ZER1: variants seen among roughly 807,000 people sequenced by gnomAD.
The protein encoded by ZER1 is protein zer-1 homolog.
In ZER1, 11 loss-of-function variants were observed where a neutral mutation model predicts 78.8. That is an observed-to-expected ratio of 0.14 (90% CI 0.09 to 0.23). The LOEUF is 0.23. Among genes scored for constraint, ZER1 ranks in the 10% least tolerant of loss-of-function variants. ZER1 has a pLI of 1.00. For missense variants in ZER1, 588 were observed against 996.9 expected, an observed-to-expected ratio of 0.59 and a Z score of 5.52; for synonymous variants, 400 against 407.0, an observed-to-expected ratio of 0.98 and a Z score of 0.21.
At chr9:128,748,522 G>A (rs1863573252) in intron 8 of ZER1, among the ~76,000 whole-genome samples, 1 of 152,012 alleles carries the variant, frequency 6.6e-6, no homozygotes, top group African/African-American at 2.4e-5. Context: ...AGTGAGCTGT[G>A]ATCATGCCGC....
chr9:128,756,064 G>C (rs1863848442), intron 1 of ZER1, among the ~76,000 whole-genome samples: 1 of 152,186 alleles, frequency 6.6e-6, no homozygotes, highest in Non-Finnish European at 1.5e-5. Context: ...GGGCTTAATA[G>C]ACATATAGAC....
intron 1 of ZER1, among the ~76,000 whole-genome samples, chr9:128,760,189 T>A (rs1354121604): frequency 6.6e-6 from 1 of 152,086 alleles, no homozygotes; most frequent in Non-Finnish European, 1.5e-5. Context: ...CTCTCATGTA[T>A]GTTATACTTC....
rs145709621 is a variant in ZER1 at position 128,751,815 on chromosome 9, G to A, written c.924-288C>T. On this transcript the variant is annotated intron_variant, in intron 5 of 15. Coordinates refer to ENST00000291900, the MANE Select transcript of ZER1 (RefSeq NM_006336.4). This position sits in a 1 kb window ranked among gnomAD's most constrained non-coding sequence, Gnocchi z 5.4. The stretch of plus-strand genomic sequence containing the variant: ...TTTAGGTCTCACCAACAATCACAAA[G>A]GGACAAGCTCAACTGAACACCATTA... Among the ~76,000 whole-genome samples the A allele has an allele frequency of 6.6e-5, 10 of 152,338 alleles. No individual in the cohort carries two copies. The highest frequency in any genetic ancestry group is 1.2e-4 in the Non-Finnish European group (8 of 68,036).
chr9:128,742,041 T>C (rs764281071), intron 9 of ZER1, among the ~76,000 whole-genome samples, 200 bp from the exon 10 acceptor site: 33 of 152,230 alleles, frequency 2.2e-4, no homozygotes, highest in Non-Finnish European at 3.8e-4. Context: ...CAGGCCCGGG[T>C]GCCGTTCCTG....
rs367677189 is a variant in ZER1 at position 128,748,609 on chromosome 9, T to C, written c.1359+2007A>G. Among the ~76,000 whole-genome samples, 37 of 151,204 alleles carry C rather than the reference T, an allele frequency of 2.4e-4. No individual in the cohort carries two copies. In the East Asian group the frequency reaches 4.9e-3, roughly 20 times the overall value. On this transcript the variant is annotated intron_variant, in intron 8 of 15. Transcript: ENST00000291900. Reference sequence around the variant, plus strand: ...TTCTTTGTGACAGAGTCTCCCTCTGTCACCCAGGCTGGAGTTCGGTGGCTT... The same window carrying C: ...TTCTTTGTGACAGAGTCTCCCTCTGCCACCCAGGCTGGAGTTCGGTGGCTT...
intron 8 of ZER1, among the ~76,000 whole-genome samples, chr9:128,744,275 T>C (rs1029250704): frequency 6.6e-6 from 1 of 152,012 alleles, no homozygotes; most frequent in Non-Finnish European, 1.5e-5. Flanking sequence ...CACTGCAACC[T>C]CTGCCTCGCG....
chr9:128,739,252 C>T (rs1172550481), intron 13 of ZER1, among the ~76,000 whole-genome samples: 1 of 151,810 alleles, frequency 6.6e-6, no homozygotes, highest in Non-Finnish European at 1.5e-5. Flanking sequence ...CCTGTAATCC[C>T]AGCACTTTGG....
At chr9:128,763,316 G>C (rs1054753395) in intron 1 of ZER1, among the ~76,000 whole-genome samples, 1 of 152,206 alleles carries the variant, frequency 6.6e-6, no homozygotes, top group Non-Finnish European at 1.5e-5. Flanking sequence ...CCACCAGGGT[G>C]TGCCTGCTGA....
chr9:128,761,453 A>G (rs1408788102), intron 1 of ZER1, among the ~76,000 whole-genome samples: 1 of 151,370 alleles, frequency 6.6e-6, no homozygotes, highest in Non-Finnish European at 1.5e-5. Flanking sequence ...CACCCGGCTA[A>G]TTTTTGTATT....
At chr9:128,742,408 C>T (rs1325205312) in intron 9 of ZER1, 122 bp downstream of exon 9, 3 of 1,140,770 alleles carry the variant, frequency 2.6e-6, no homozygotes, top group Non-Finnish European at 3.8e-6. Flanking sequence ...CCTCATGCTT[C>T]AGCACACTCT....
intron 14 of ZER1, among the ~76,000 whole-genome samples, chr9:128,734,144 A>AAAATATATATATAT: frequency 6.9e-5 from 1 of 14,446 alleles, no homozygotes; most frequent in African/African-American, 1.9e-4. Context: ...AAAAAAAAAA[A>AAAATATATATATAT]ATATATATAT....
At chr9:128,756,032 A>T (rs1188307989) in intron 1 of ZER1, among the ~76,000 whole-genome samples, 1 of 152,218 alleles carries the variant, frequency 6.6e-6, no homozygotes, top group African/African-American at 2.4e-5. Flanking sequence ...GCTATGATTG[A>T]TTGAGCACTT....
At position 128,751,320 on chromosome 9, in the gene ZER1, G is replaced by A. The variant is rs1863671299; in HGVS notation, c.1039-52C>T. 1.2e-6 allele frequency: 2 copies of A among 1,605,290 alleles called. No individual in the cohort carries two copies. Among genetic ancestry groups the A allele is most frequent in the Admixed American group, 3.4e-5 (2 of 59,568 alleles). Reference sequence around the variant, plus strand: ...CCCAGCAGAGGCCAAGGGCTGGGATGCCAGATCCCAGCTCAGTCTCCAGCC... The same window carrying A: ...CCCAGCAGAGGCCAAGGGCTGGGATACCAGATCCCAGCTCAGTCTCCAGCC... On this transcript the variant is annotated intron_variant, in intron 6 of 15. Transcript: ENST00000291900. This position sits in a 1 kb window ranked among gnomAD's most constrained non-coding sequence, Gnocchi z 5.4.
intron 8 of ZER1, among the ~76,000 whole-genome samples, chr9:128,745,669 T>C (rs1863463842): frequency 6.6e-6 from 1 of 151,688 alleles, no homozygotes; most frequent in Admixed American, 6.6e-5. Flanking sequence ...TTATTTATTT[T>C]TAAGACGCGG....
rs149430751 is a variant in ZER1 at position 128,744,276 on chromosome 9, C to G, written c.1360-1531G>C. 1.6e-3 allele frequency among the ~76,000 whole-genome samples: 251 copies of G among 152,236 alleles called. 1 individual carries two copies. Among genetic ancestry groups the G allele is most frequent in the African/African-American group, 5.6e-3 (234 of 41,536 alleles). ...ATCTTGCAGTGGCTCACTGCAACCT[C>G]TGCCTCGCGGGTCCAAGCGATTCTC... On this transcript the variant is annotated intron_variant, in intron 8 of 15. Transcript: ENST00000291900.
chr9:128,768,171 A>T (rs772570864), intron 1 of ZER1, among the ~76,000 whole-genome samples: 1 of 152,166 alleles, frequency 6.6e-6, no homozygotes, highest in Admixed American at 6.6e-5. Flanking sequence ...TGCGCCAGAT[A>T]TAAGACAGTG....
chr9:128,762,112 T>C (rs1230843878), intron 1 of ZER1, among the ~76,000 whole-genome samples: 4 of 127,422 alleles, frequency 3.1e-5, no homozygotes, highest in Admixed American at 7.4e-5. Context: ...ATTTATGGAC[T>C]TTTTTTTTTT....
rs1193119744 is a variant in ZER1 at position 128,749,139 on chromosome 9, C to G, written c.1359+1477G>C. Among the ~76,000 whole-genome samples, 3 of 150,836 alleles carry G rather than the reference C, an allele frequency of 2.0e-5. No individual in the cohort carries two copies. In the East Asian group the frequency reaches 6.0e-4, roughly 30 times the overall value. On this transcript the variant is annotated intron_variant, in intron 8 of 15. Coordinates refer to ENST00000291900, the MANE Select transcript of ZER1 (RefSeq NM_006336.4). Reference sequence around the variant, plus strand: ...GCTCAGGAGTTCGAGACCAGCCTGGCCAACATGGCGAAACCCTGTCTCTAC... The same window carrying G: ...GCTCAGGAGTTCGAGACCAGCCTGGGCAACATGGCGAAACCCTGTCTCTAC...
In ZER1 at chr9:128,755,340, C is replaced by T. The variant is rs576560163; in HGVS notation, c.158+68G>A. Reference sequence around the variant, plus strand: ...AGCTACTCCCCACATAGTGCACACACGGTCCCAATCTCTCTATACACATTC... The same window carrying T: ...AGCTACTCCCCACATAGTGCACACATGGTCCCAATCTCTCTATACACATTC... On this transcript the variant is annotated intron_variant, in intron 2 of 15. Coordinates refer to ENST00000291900, the MANE Select transcript of ZER1 (RefSeq NM_006336.4). This position sits in a 1 kb window ranked among gnomAD's most constrained non-coding sequence, Gnocchi z 5.6. 1.5e-4 allele frequency: 240 copies of T among 1,586,630 alleles called. 1 individual carries two copies. In the African/African-American group the frequency reaches 2.5e-3, roughly 16 times the overall value.
Sources: allele counts gnomAD v4.1 joint callset (sites outside exome capture counted in the v4.1 genomes callset), GRCh38; gene constraint gnomAD v4.1.1; non-coding constraint Gnocchi (gnomAD v3.1); transcripts MANE v1.5; gene names NCBI Gene and HGNC (gene_info 2026-07-23, HGNC 2026-07-21).